Variants in SND1 observed in about 807,000 individuals in gnomAD.
SND1 encodes staphylococcal nuclease and tudor domain containing 1.
Under a neutral mutation model 121.7 loss-of-function variants are expected in SND1, and 38 were observed. The observed-to-expected ratio is 0.31, with a 90% CI of 0.24 to 0.41. The LOEUF (loss-of-function observed/expected upper bound fraction) is 0.41. Among genes scored for constraint, SND1 ranks in the 10% least tolerant of loss-of-function variants. The pLI, the probability that SND1 is intolerant of heterozygous loss-of-function variation, is 1.00. For missense variants in SND1, 868 were observed against 1,184.6 expected, an observed-to-expected ratio of 0.73 and a Z score of 3.92; for synonymous variants, 401 against 447.4, an observed-to-expected ratio of 0.90 and a Z score of 1.31.
intron 1 of SND1, among the ~76,000 whole-genome samples, chr7:127,675,265 T>C (rs542627096): frequency 6.6e-6 from 1 of 152,368 alleles, no homozygotes; most frequent in African/African-American, 2.4e-5. Context: ...TAGAGGTTTA[T>C]ACATTTACCC....
intron 12 of SND1, among the ~76,000 whole-genome samples, chr7:127,874,329 CAT>C (rs1799651348): frequency 6.6e-6 from 1 of 152,118 alleles, no homozygotes; most frequent in Non-Finnish European, 1.5e-5. Flanking sequence ...CATTGTTTAA[CAT>C]GTGAAAGTTG....
chr7:127,762,096 G>T, intron 10 of SND1, among the ~76,000 whole-genome samples: 1 of 152,200 alleles, frequency 6.6e-6, no homozygotes, highest in Middle Eastern at 3.4e-3. Flanking sequence ...TGCTTTGTGG[G>T]CACAGGTGAA....
chr7:128,030,146 G>C, intron 16 of SND1: 1 of 1,614,214 alleles, frequency 6.2e-7, no homozygotes, highest in Non-Finnish European at 8.5e-7. Flanking sequence ...GGTTGAAGGC[G>C]TAAGAGGGGA....
chr7:127,779,202 C>G (rs1479216484), intron 10 of SND1, among the ~76,000 whole-genome samples: 1 of 152,160 alleles, frequency 6.6e-6, no homozygotes, highest in Non-Finnish European at 1.5e-5. Context: ...ACATATTACA[C>G]TAGAGCAGAT....
chr7:128,082,792 G>C (rs1047891781), intron 18 of SND1, among the ~76,000 whole-genome samples: 1 of 152,156 alleles, frequency 6.6e-6, no homozygotes, highest in African/African-American at 2.4e-5. Context: ...GCCCACCAGA[G>C]AACTTGAGCA....
Position 128,042,708 on chromosome 7 carries a change from T to G in SND1, c.1780-31794T>G, listed in dbSNP as rs11769596. ...TCTGAAAAGGGGCAGAAATAAGAAT[T>G]CTGCTCCTGAACATCTGGTAGCTGC... On this transcript the variant is annotated intron_variant, in intron 16 of 23. Transcript: ENST00000354725. Among the ~76,000 whole-genome samples the G allele has an allele frequency of 8.4e-3, 1,283 of 152,304 alleles. 11 individuals are homozygous for G. The highest frequency in any genetic ancestry group is 0.015 in the Non-Finnish European group (1,010 of 68,024).
At chr7:127,771,972 C>A (rs191338316) in intron 10 of SND1, among the ~76,000 whole-genome samples, 1 of 152,088 alleles carries the variant, frequency 6.6e-6, no homozygotes, top group South Asian at 2.1e-4. Flanking sequence ...ACTTTCCTAT[C>A]CATCAGATAA....
Position 128,029,048 on chromosome 7 carries a change from G to A in SND1, c.1779+37992G>A. On this transcript the variant is annotated intron_variant, in intron 16 of 23. Transcript: ENST00000354725. The surrounding 1 kb of genome is among the most constrained non-coding windows in gnomAD (Gnocchi z 4.2). ...CTAGCAGAGTCACTGCCACAAAGCA[G>A]CCAATGATGATCTTGGTGGTCTTCA... 1 of 1,614,092 alleles carries A rather than the reference G, an allele frequency of 6.2e-7. No homozygotes were observed. Among genetic ancestry groups the A allele is most frequent in the South Asian group, 1.1e-5 (1 of 91,074 alleles).
At chr7:127,749,094 T>C (rs895563768) in intron 10 of SND1, among the ~76,000 whole-genome samples, 2 of 142,350 alleles carry the variant, frequency 1.4e-5, no homozygotes, top group Non-Finnish European at 3.0e-5. Flanking sequence ...ACCCAGGTAG[T>C]GCAATCATGG....
At chr7:128,041,160 T>G (rs931205130) in intron 16 of SND1, among the ~76,000 whole-genome samples, 1 of 152,136 alleles carries the variant, frequency 6.6e-6, no homozygotes, top group Admixed American at 6.5e-5. Context: ...GGGGCCCCGG[T>G]GCAGGGGCTC....
Position 128,030,525 on chromosome 7 carries a change from G to T in SND1, c.1779+39469G>T, listed in dbSNP as rs377002702. The T allele has an allele frequency of 1.9e-6, 3 of 1,613,292 alleles. No homozygotes were observed. In the African/African-American group the frequency reaches 4.0e-5, roughly 22 times the overall value. ...GGGGCAGTTCTGGGGCCCGGCTGAGGCGGCAGCAGCGATGGCTGCACACAG... is the reference window on the plus strand; with the variant it reads ...GGGGCAGTTCTGGGGCCCGGCTGAGTCGGCAGCAGCGATGGCTGCACACAG... On this transcript the variant is annotated intron_variant, in intron 16 of 23. Transcript: ENST00000354725.
At chr7:127,812,454 A>G (rs767295999) in intron 11 of SND1, among the ~76,000 whole-genome samples, 1 of 152,220 alleles carries the variant, frequency 6.6e-6, no homozygotes, top group Non-Finnish European at 1.5e-5. Context: ...ATATACAGAC[A>G]ATGTGAAGTC....
intron 1 of SND1, among the ~76,000 whole-genome samples, chr7:127,676,014 G>T (rs1245208337): frequency 6.6e-6 from 1 of 152,168 alleles, no homozygotes; most frequent in Admixed American, 6.5e-5. Flanking sequence ...TTCCTTCATG[G>T]TAAAGTTTTC....
intron 15 of SND1, among the ~76,000 whole-genome samples, chr7:127,956,120 T>C (rs1468342550): frequency 6.6e-6 from 1 of 152,216 alleles, no homozygotes; most frequent in Non-Finnish European, 1.5e-5. Context: ...ATGTCTCTCT[T>C]CCTCTAGCCT....
At chr7:128,016,683 T>C (rs938010557) in intron 16 of SND1, among the ~76,000 whole-genome samples, 5 of 152,246 alleles carry the variant, frequency 3.3e-5, no homozygotes, top group African/African-American at 9.6e-5. Context: ...CCTTTTTCTT[T>C]CTCTAAAGTC....
At chr7:128,061,890 G>A (rs1036062309) in intron 16 of SND1, among the ~76,000 whole-genome samples, 4 of 152,230 alleles carry the variant, frequency 2.6e-5, no homozygotes, top group Admixed American at 2.0e-4. Context: ...ACTATGCATA[G>A]GAGGGTGAAT....
chr7:127,879,504 C>G (rs1311180338), intron 12 of SND1, among the ~76,000 whole-genome samples: 1 of 152,116 alleles, frequency 6.6e-6, no homozygotes, highest in Non-Finnish European at 1.5e-5. Flanking sequence ...CCTGTGGTGA[C>G]CTTCCTTACT....
intron 14 of SND1, among the ~76,000 whole-genome samples, chr7:127,908,438 A>C (rs1228781443): frequency 6.6e-6 from 1 of 151,414 alleles, no homozygotes; most frequent in Non-Finnish European, 1.5e-5. Context: ...CATACTCCCA[A>C]GCTGGTACCT....
At chr7:127,689,849 C>T (rs887221557) in intron 2 of SND1, among the ~76,000 whole-genome samples, 1 of 151,678 alleles carries the variant, frequency 6.6e-6, no homozygotes, top group Non-Finnish European at 1.5e-5. Flanking sequence ...CCTATTGTAC[C>T]CTCAAAGCTG....
Sources: allele counts gnomAD v4.1 joint callset (sites outside exome capture counted in the v4.1 genomes callset), GRCh38; gene constraint gnomAD v4.1.1; non-coding constraint Gnocchi (gnomAD v3.1); transcripts MANE v1.5; gene names NCBI Gene and HGNC (gene_info 2026-07-23, HGNC 2026-07-21).